The following GLI3 variants were observed in gnomAD, a reference collection of about 807,000 sequenced individuals.
GLI3 encodes the protein GLI family zinc finger 3.
Under a neutral mutation model 100.8 loss-of-function variants are expected in GLI3, and 20 were observed. The ratio of observed to expected loss-of-function variants is 0.20; its 90% CI spans 0.14 to 0.29. The LOEUF is 0.29. GLI3 is among the 10% of genes least tolerant of loss of function. The pLI is 1.00. For missense variants in GLI3, 2,040 were observed against 2,128.5 expected, an observed-to-expected ratio of 0.96 and a Z score of 0.82; for synonymous variants, 938 against 860.5, an observed-to-expected ratio of 1.09 and a Z score of -1.58.
intron 4 of GLI3, among the ~76,000 whole-genome samples, chr7:42,055,062 T>TAC (rs1200275239): frequency 4.0e-5 from 3 of 75,156 alleles, no homozygotes; most frequent in African/African-American, 2.1e-4. Context: ...CACACACATA[T>TAC]ATGTATACAT....
intron 1 of GLI3, among the ~76,000 whole-genome samples, chr7:42,252,194 A>T (rs1461799190): frequency 4.6e-5 from 7 of 151,802 alleles, no homozygotes; most frequent in Non-Finnish European, 7.4e-5. Context: ...TCTTGTGAGA[A>T]CATGGATGGA....
chr7:42,177,918 A>G (rs555293740), intron 2 of GLI3, among the ~76,000 whole-genome samples: 47 of 152,316 alleles, frequency 3.1e-4, no homozygotes, highest in African/African-American at 1.1e-3. Context: ...GACTCCATGA[A>G]CATTCACGCA....
intron 10 of GLI3, among the ~76,000 whole-genome samples, chr7:42,022,103 T>C (rs1276666091): frequency 3.3e-5 from 5 of 152,182 alleles, no homozygotes; most frequent in African/African-American, 9.7e-5. Context: ...CATTTGACTT[T>C]TTTTTTCTGT....
chr7:42,114,611 T>C (rs10250816), intron 3 of GLI3, among the ~76,000 whole-genome samples: 27,545 of 152,132 alleles, frequency 0.18, 4,017 homozygotes, highest in African/African-American at 0.41. Context: ...GTCAACTGGC[T>C]CCTTGCCAGT....
chr7:42,122,572 G>A (rs1047241203), intron 3 of GLI3, among the ~76,000 whole-genome samples: 3 of 152,182 alleles, frequency 2.0e-5, no homozygotes, highest in Non-Finnish European at 2.9e-5. Context: ...CAGGAAGGAA[G>A]CTGAGGGGTT....
rs762852100 is a variant in GLI3, at chr7:41,966,198, G to C, written c.2875C>G (p.Leu959Val). The stretch of plus-strand genomic sequence containing the variant: ...CCAGGCTCGAGGGCATCCCCGAGCA[G>C]CGCCAGGCGCGTCTTCAGGCTCATC... Reference protein sequence around the residue: ...ERMSLKTRLALLGDALEPGVA... With the variant: ...ERMSLKTRLAVLGDALEPGVA... The change falls in exon 15 of 15, where the codon CTG becomes GTG. Residue 959 changes from leucine (L) to valine (V), a missense_variant. Coordinates refer to ENST00000395925, the MANE Select transcript of GLI3 (RefSeq NM_000168.6). The surrounding 1 kb of genome is among the most constrained non-coding windows in gnomAD (Gnocchi z 5.8). 3.4e-5 allele frequency: 55 copies of C among 1,606,108 alleles called. No homozygotes were observed. The highest frequency in any genetic ancestry group is 4.5e-5 in the Non-Finnish European group (53 of 1,178,346).
At chr7:42,114,569 G>A (rs971616676) in intron 3 of GLI3, among the ~76,000 whole-genome samples, 2 of 152,158 alleles carry the variant, frequency 1.3e-5, no homozygotes, top group African/African-American at 2.4e-5. Flanking sequence ...TGACACATCC[G>A]CACTGTGCTG....
At chr7:42,073,196 A>G (rs1784816744) in intron 4 of GLI3, among the ~76,000 whole-genome samples, 1 of 152,180 alleles carries the variant, frequency 6.6e-6, no homozygotes, top group Non-Finnish European at 1.5e-5. Context: ...ATTATAAATT[A>G]TTTCTAGTGA....
chr7:42,122,398 G>A (rs889329239), intron 3 of GLI3, among the ~76,000 whole-genome samples: 5 of 152,066 alleles, frequency 3.3e-5, no homozygotes, highest in African/African-American at 1.2e-4. Flanking sequence ...GTTGGAACAG[G>A]AAACTAGACT....
intron 10 of GLI3, among the ~76,000 whole-genome samples, chr7:41,986,487 C>T (rs1273414683): frequency 7.1e-6 from 1 of 141,470 alleles, no homozygotes; most frequent in African/African-American, 2.6e-5. Flanking sequence ...TATCATTTCA[C>T]ATTTAAAAAC....
At chr7:42,179,565 T>C (rs899312669) in intron 2 of GLI3, among the ~76,000 whole-genome samples, 19 of 152,180 alleles carry the variant, frequency 1.2e-4, no homozygotes, top group Non-Finnish European at 2.4e-4. Flanking sequence ...TGAGGGCTGT[T>C]GGTGCAATCC....
chr7:42,065,024 C>T (rs1193288978), intron 4 of GLI3, among the ~76,000 whole-genome samples: 1 of 152,012 alleles, frequency 6.6e-6, no homozygotes, highest in Non-Finnish European at 1.5e-5. Flanking sequence ...AGGCCCTGAC[C>T]CCACTGCTTG....
Position 41,965,168 on chromosome 7 carries a change from T to C in GLI3, c.3905A>G (p.Asn1302Ser). 1 of 1,613,956 alleles carries C rather than the reference T, an allele frequency of 6.2e-7. No individual in the cohort carries two copies. Among genetic ancestry groups the C allele is most frequent in the African/African-American group, 1.3e-5 (1 of 75,058 alleles). Residue 1302 changes from asparagine (N) to serine (S), a missense_variant, in exon 15 of 15, where the codon AAT (asparagine) becomes AGT (serine). Physicochemically the swap from Asn to Ser is conservative, Grantham distance 46. Coordinates refer to ENST00000395925, the MANE Select transcript of GLI3 (RefSeq NM_000168.6). ...ATTCACCATGCTGCCAGCTGACTCA[T>C]TTGGCGCTACCGGCAGGCCGAAATT... is the stretch of plus-strand genomic sequence containing the variant. ...QLNFGLPVAP[N>S]ESAGSMVNGM...
chr7:42,152,386 C>G, intron 2 of GLI3: 3 of 985,234 alleles, frequency 3.0e-6, no homozygotes, highest in Non-Finnish European at 3.6e-6. Flanking sequence ...AGCTACTTTG[C>G]GCCAACTTCT....
intron 2 of GLI3, among the ~76,000 whole-genome samples, chr7:42,206,270 AAATAATAATAATAATAATAAC>A (rs1398714222): frequency 6.6e-6 from 1 of 150,980 alleles, no homozygotes; most frequent in Non-Finnish European, 1.5e-5. Context: ...CCCATCTAAA[AAATAATAATAATAATAATAAC>A]AATAATAATA....
At position 42,039,498 on chromosome 7, in the gene GLI3, ATTC is replaced by A. The variant is rs143048761; in HGVS notation, c.1028+537_1028+539del. ...ATACTTAATGGAAAAACAAAGAAATATTCTTTTGCCAGATTTCCTCTGATATCT... is the reference window on the plus strand; with the variant it reads ...ATACTTAATGGAAAAACAAAGAAATATTTTGCCAGATTTCCTCTGATATCT... On this transcript the variant is annotated intron_variant, in intron 7 of 14. Coordinates refer to ENST00000395925, the MANE Select transcript of GLI3 (RefSeq NM_000168.6). Among the ~76,000 whole-genome samples, 1,071 of 152,278 alleles carry A rather than the reference ATTC, an allele frequency of 7.0e-3. 14 individuals carry two copies. The highest frequency in any genetic ancestry group is 0.024 in the African/African-American group (982 of 41,542).
chr7:42,048,477 C>T lies in GLI3; in HGVS notation c.679+14G>A, dbSNP rs767774997. On this transcript the variant is annotated intron_variant, in intron 5 of 14. Coordinates refer to ENST00000395925, the MANE Select transcript of GLI3 (RefSeq NM_000168.6). ...CTGCATGATCTCCAGAAGCAGAATCCATCCTGGACTTACCATCTGTAGGGC... is the reference window on the plus strand; with the variant it reads ...CTGCATGATCTCCAGAAGCAGAATCTATCCTGGACTTACCATCTGTAGGGC... 1.9e-6 allele frequency: 3 copies of T among 1,572,762 alleles called. No individual in the cohort carries two copies. In the Admixed American group the frequency reaches 5.0e-5, roughly 26 times the overall value.
intron 3 of GLI3, chr7:42,113,465 C>T: frequency 2.6e-6 from 2 of 763,084 alleles, no homozygotes; most frequent in Non-Finnish European, 4.8e-6. Context: ...AAACCTGCTC[C>T]TCCAAAGCCA....
At chr7:42,037,882 G>T (rs1267525120) in intron 7 of GLI3, among the ~76,000 whole-genome samples, 3 of 152,190 alleles carry the variant, frequency 2.0e-5, no homozygotes, top group Non-Finnish European at 2.9e-5. Flanking sequence ...AGACCGTAAG[G>T]ACTAAGGAGG....
Sources: gnomAD v4.1 joint callset for allele counts (sites outside exome capture counted in the v4.1 genomes callset) on GRCh38, gnomAD v4.1.1 for gene constraint, Gnocchi (gnomAD v3.1) non-coding constraint, MANE v1.5 for transcripts, NCBI Gene and HGNC (gene_info 2026-07-23, HGNC 2026-07-21) for gene names.